Variants in GRID1 observed in about 807,000 individuals in gnomAD.
GRID1 encodes glutamate ionotropic receptor delta type subunit 1.
Under a neutral mutation model 98.0 loss-of-function variants are expected in GRID1, and 28 were observed. The ratio of observed to expected loss-of-function variants is 0.29; its 90% CI spans 0.21 to 0.39. GRID1 has a LOEUF of 0.39. Ranked by LOEUF, GRID1 falls within the 10% of genes least tolerant of loss-of-function variation. The probability of loss-of-function intolerance (pLI) is 1.00; values close to 1 mark genes in which losing one functional copy is unlikely to be tolerated. For synonymous variants in GRID1, 553 were observed against 538.5 expected (o/e 1.03, Z -0.37); for missense variants, 1,111 against 1,340.5 (o/e 0.83, Z 2.67).
intron 4 of GRID1, among the ~76,000 whole-genome samples, chr10:86,061,854 T>G (rs1843653489): frequency 6.6e-6 from 1 of 152,196 alleles, no homozygotes; most frequent in Non-Finnish European, 1.5e-5. Context: ...TGGTTTTGTT[T>G]TGGGCTTTTA....
chr10:86,139,151 C>T (rs1844975665), intron 3 of GRID1, 127 bp from the exon 4 acceptor site: 2 of 674,616 alleles, frequency 3.0e-6, no homozygotes, highest in East Asian at 5.2e-5. Context: ...CCAAGTCAGC[C>T]TCAGTGATTC....
chr10:85,673,617 G>T (rs976091409), intron 12 of GRID1, among the ~76,000 whole-genome samples: 2 of 152,052 alleles, frequency 1.3e-5, no homozygotes, highest in African/African-American at 4.8e-5. Context: ...GCTCAGGTGG[G>T]GGTTAGTACT....
intron 4 of GRID1, among the ~76,000 whole-genome samples, chr10:86,134,831 A>G (rs1844891737): frequency 1.3e-5 from 2 of 152,204 alleles, no homozygotes; most frequent in Non-Finnish European, 2.9e-5. Context: ...CTCCCTGGCC[A>G]GAGGACATCA....
Position 85,674,986 on chromosome 10 carries a change from G to T in GRID1, c.1998-27589C>A, listed in dbSNP as rs892638560. On this transcript the variant is annotated intron_variant, in intron 12 of 15. Coordinates refer to ENST00000327946, the MANE Select transcript of GRID1 (RefSeq NM_017551.3). ...AAATTATTTTTTAGGGCTCATTTCT[G>T]GGTTCACGTTCAGTGCACTATCAAT... 4.6e-5 allele frequency among the ~76,000 whole-genome samples: 7 copies of T among 152,186 alleles called. No individual in the cohort carries two copies. In the South Asian group the frequency reaches 1.5e-3, roughly 32 times the overall value.
chr10:86,014,489 T>G (rs1589337009), intron 4 of GRID1, among the ~76,000 whole-genome samples: 1 of 152,370 alleles, frequency 6.6e-6, no homozygotes. Flanking sequence ...TGGTCATGCC[T>G]GTTCAGGCCC....
intron 2 of GRID1, among the ~76,000 whole-genome samples, chr10:86,330,065 C>G (rs1337860376): frequency 6.6e-6 from 1 of 152,148 alleles, no homozygotes; most frequent in Non-Finnish European, 1.5e-5. Context: ...TCCCCTCCCC[C>G]ATCCCAGTAG....
intron 8 of GRID1, among the ~76,000 whole-genome samples, chr10:85,758,057 G>A (rs1377069691): frequency 6.6e-6 from 1 of 152,132 alleles, no homozygotes; most frequent in East Asian, 1.9e-4. Flanking sequence ...AGGGAGTAGA[G>A]CATGGTGGTT....
intron 4 of GRID1, among the ~76,000 whole-genome samples, chr10:85,946,396 G>T (rs548037242): frequency 1.3e-5 from 2 of 152,156 alleles, no homozygotes; most frequent in South Asian, 4.1e-4. Context: ...GTGTCAACTC[G>T]TGTTAAATAT....
At chr10:85,954,930 T>C (rs945931379) in intron 4 of GRID1, among the ~76,000 whole-genome samples, 2 of 152,236 alleles carry the variant, frequency 1.3e-5, no homozygotes, top group Non-Finnish European at 2.9e-5. Flanking sequence ...CAGACACTTG[T>C]TGAACTTGTG....
At chr10:86,126,264 G>A (rs998774800) in intron 4 of GRID1, among the ~76,000 whole-genome samples, 3 of 152,084 alleles carry the variant, frequency 2.0e-5, no homozygotes, top group East Asian at 1.9e-4. Flanking sequence ...GATCAGCCTG[G>A]CCAAGATAGC....
At chr10:85,974,809 G>A (rs1842451363) in intron 4 of GRID1, among the ~76,000 whole-genome samples, 1 of 152,180 alleles carries the variant, frequency 6.6e-6, no homozygotes, top group Non-Finnish European at 1.5e-5. Context: ...TATTTTTGCA[G>A]TGACAGGGTC....
chr10:85,929,531 T>C (rs78126728), intron 4 of GRID1, among the ~76,000 whole-genome samples: 4,689 of 152,346 alleles, frequency 0.031, 97 homozygotes, highest in Middle Eastern at 0.082. Flanking sequence ...ATAATATTTA[T>C]TTTTAAAATT....
intron 2 of GRID1, among the ~76,000 whole-genome samples, chr10:86,268,679 G>A (rs1208148163): frequency 2.0e-5 from 3 of 152,190 alleles, no homozygotes; most frequent in South Asian, 2.1e-4. Flanking sequence ...TAAGAGGCAC[G>A]TGAAGCATGT....
Position 86,241,740 on chromosome 10 carries a change from C to A in GRID1, c.236-35092G>T, listed in dbSNP as rs149186671. Among the ~76,000 whole-genome samples the A allele has an allele frequency of 2.1e-4, 32 of 152,324 alleles. No homozygotes were observed. The East Asian group carries it at 4.8e-3, about 23-fold the overall frequency. ...AGTTATGAGTGATCTAGTGCAAGTT[C>A]CTACTCAAAGTCCTGCTGAGACAAA... On this transcript the variant is annotated intron_variant, in intron 2 of 15. Coordinates refer to ENST00000327946, the MANE Select transcript of GRID1 (RefSeq NM_017551.3).
chr10:85,871,337 T>C (rs558339690), intron 5 of GRID1, among the ~76,000 whole-genome samples: 1 of 152,312 alleles, frequency 6.6e-6, no homozygotes, highest in Non-Finnish European at 1.5e-5. Flanking sequence ...CTAAACTGGG[T>C]ATTCTACTGA....
chr10:86,241,942 A>C (rs1259129905), intron 2 of GRID1, among the ~76,000 whole-genome samples: 1 of 152,230 alleles, frequency 6.6e-6, no homozygotes, highest in African/African-American at 2.4e-5. Flanking sequence ...CCCTGGATGC[A>C]AGGATCGAGC....
chr10:86,350,323 A>T (rs1004241805), intron 2 of GRID1, among the ~76,000 whole-genome samples: 4 of 152,088 alleles, frequency 2.6e-5, no homozygotes, highest in Non-Finnish European at 4.4e-5. Context: ...GGTTAGGTTG[A>T]TTTTTCAGAT....
At chr10:86,133,225 G>T (rs1844865690) in intron 4 of GRID1, among the ~76,000 whole-genome samples, 1 of 151,870 alleles carries the variant, frequency 6.6e-6, no homozygotes, top group African/African-American at 2.4e-5. Context: ...GTTTGTGTGT[G>T]TGTCAGTGCC....
At chr10:85,902,154 T>C (rs1381113662) in intron 5 of GRID1, among the ~76,000 whole-genome samples, 1 of 152,208 alleles carries the variant, frequency 6.6e-6, no homozygotes, top group African/African-American at 2.4e-5. Context: ...GGAATGCATT[T>C]CAAGATCCCC....
Sources: gnomAD v4.1 joint callset for allele counts (sites outside exome capture counted in the v4.1 genomes callset) on GRCh38, gnomAD v4.1.1 for gene constraint, MANE v1.5 for transcripts, NCBI Gene and HGNC (gene_info 2026-07-23, HGNC 2026-07-21) for gene names.